ITPR1: variants seen among roughly 807,000 people sequenced by gnomAD.
ITPR1 encodes the protein inositol 1,4,5-trisphosphate-gated calcium channel ITPR1.
In ITPR1, 96 loss-of-function variants were observed where a neutral mutation model predicts 318.4. That is an observed-to-expected ratio of 0.30 (90% CI 0.26 to 0.36). ITPR1 has a LOEUF of 0.36. Among genes scored for constraint, ITPR1 ranks in the 10% least tolerant of loss-of-function variants. ITPR1 has a pLI of 1.00. For missense variants in ITPR1, 2,440 were observed against 3,460.2 expected (o/e 0.71, Z 7.40); for synonymous variants, 1,312 against 1,289.9 (o/e 1.02, Z -0.37).
intron 52 of ITPR1, among the ~76,000 whole-genome samples, chr3:4,789,202 G>A (rs992007576): frequency 3.3e-5 from 5 of 152,192 alleles, no homozygotes; most frequent in Admixed American, 6.5e-5. Flanking sequence ...GTCTGGCCAG[G>A]CCAAATCCAT....
intron 56 of ITPR1, among the ~76,000 whole-genome samples, chr3:4,812,749 C>CCAT (rs1375361381): frequency 6.6e-6 from 1 of 152,188 alleles, no homozygotes; most frequent in African/African-American, 2.4e-5. Context: ...TTACTGCCAG[C>CCAT]CATCTTAGAG....
chr3:4,690,234 C>T (rs2094459052), intron 31 of ITPR1, among the ~76,000 whole-genome samples: 1 of 152,160 alleles, frequency 6.6e-6, no homozygotes, highest in Admixed American at 6.5e-5. Context: ...AAGATTGCAC[C>T]ACTGCATTCC....
At chr3:4,723,163 C>A (rs1390868832) in intron 40 of ITPR1, among the ~76,000 whole-genome samples, 2 of 152,080 alleles carry the variant, frequency 1.3e-5, no homozygotes, top group African/African-American at 4.8e-5. Context: ...CAGACAGACA[C>A]ACAAAAAAAG....
At chr3:4,720,545 G>C (rs1379119874) in intron 40 of ITPR1, among the ~76,000 whole-genome samples, 1 of 152,232 alleles carries the variant, frequency 6.6e-6, no homozygotes, top group Non-Finnish European at 1.5e-5. Context: ...AGCAGGTACT[G>C]TGGTTCAGTG....
chr3:4,602,179 T>G (rs1451081999), intron 4 of ITPR1, among the ~76,000 whole-genome samples: 1 of 152,224 alleles, frequency 6.6e-6, no homozygotes, highest in Non-Finnish European at 1.5e-5. Context: ...GCAGTTTCAC[T>G]CCTTAGGGAT....
At chr3:4,721,166 G>A (rs1192124692) in intron 40 of ITPR1, among the ~76,000 whole-genome samples, 2 of 45,554 alleles carry the variant, frequency 4.4e-5, no homozygotes, top group Admixed American at 6.5e-4. Flanking sequence ...ATACGTGTGT[G>A]TGCGTGTATA....
At chr3:4,613,520 C>T (rs534515737) in intron 4 of ITPR1, among the ~76,000 whole-genome samples, 7 of 152,184 alleles carry the variant, frequency 4.6e-5, no homozygotes, top group Admixed American at 1.3e-4. Context: ...CCAGGGAATG[C>T]TCATTGCCTG....
At chr3:4,733,562 A>G (rs1443220994) in intron 43 of ITPR1, among the ~76,000 whole-genome samples, 3 of 152,140 alleles carry the variant, frequency 2.0e-5, no homozygotes, top group Admixed American at 6.5e-5. Context: ...AATAATGAGG[A>G]TATTGGCACC....
At chr3:4,681,305 C>A in intron 25 of ITPR1, 59 bp from the exon 26 acceptor site, 1 of 1,188,922 alleles carries the variant, frequency 8.4e-7, no homozygotes, top group South Asian at 1.2e-5. Flanking sequence ...TGGATGAGTT[C>A]ACCAGCAGCA....
rs370995278 is a variant in ITPR1, at chr3:4,697,155, T to G, written c.4290T>G (p.Ile1430Met). The change falls in exon 34 of 62, where the codon ATT becomes ATG. Residue 1430 changes from isoleucine (I) to methionine (M), a missense_variant. By Grantham distance (10) the Ile-to-Met change is conservative. Transcript: ENST00000649015. ...THEDCIPEVK[I>M]AYINFLNHCY... ...TTCTTTCTATCTTGCAGGTTAAAAT[T>G]GCATACATTAACTTCCTGAATCACT... The G allele has an allele frequency of 6.2e-6, 10 of 1,610,428 alleles. No individual in the cohort carries two copies. The highest frequency in any genetic ancestry group is 1.3e-5 in the African/African-American group (1 of 74,882).
Position 4,721,180 on chromosome 3 carries a change from A to G in ITPR1, c.5136+3781A>G, listed in dbSNP as rs1351542320. ...GATACGTGTGTGTGCGTGTATATAT[A>G]TATATATATATATATATATATATGC... On this transcript the variant is annotated intron_variant, in intron 40 of 61. Coordinates refer to ENST00000649015, the MANE Select transcript of ITPR1 (RefSeq NM_001378452.1). 0.022 allele frequency among the ~76,000 whole-genome samples: 271 copies of G among 12,100 alleles called. 6 individuals carry two copies. In the East Asian group the frequency reaches 0.4, roughly 18 times the overall value. The allele number at this position is 12,100 out of a possible 152,430, so 7.9% of individuals were successfully genotyped here.
chr3:4,704,108 G>C (rs1443326635), intron 36 of ITPR1, among the ~76,000 whole-genome samples: 1 of 152,144 alleles, frequency 6.6e-6, no homozygotes, highest in South Asian at 2.1e-4. Context: ...AGGGGGAAAA[G>C]CGTTGAAAAA....
chr3:4,721,848 C>T (rs1004673504), intron 40 of ITPR1, among the ~76,000 whole-genome samples: 2 of 152,130 alleles, frequency 1.3e-5, no homozygotes, highest in African/African-American at 4.8e-5. Context: ...ACACATGAAG[C>T]GGATGGATGG....
At chr3:4,607,269 T>G (rs2091766507) in intron 4 of ITPR1, among the ~76,000 whole-genome samples, 1 of 152,146 alleles carries the variant, frequency 6.6e-6, no homozygotes, top group Admixed American at 6.5e-5. Flanking sequence ...GATCTCTAGA[T>G]GATTTGACTG....
At chr3:4,657,752 A>C (rs188253416) in intron 12 of ITPR1, among the ~76,000 whole-genome samples, 29 of 152,162 alleles carry the variant, frequency 1.9e-4, no homozygotes, top group African/African-American at 6.5e-4. Flanking sequence ...GGTTTGAGCC[A>C]CTGCAGCCAG....
intron 4 of ITPR1, among the ~76,000 whole-genome samples, chr3:4,613,047 T>G (rs989351241): frequency 1.3e-5 from 2 of 152,228 alleles, no homozygotes; most frequent in Admixed American, 6.5e-5. Flanking sequence ...TCCTGAGACA[T>G]GGGCCCAAGG....
At chr3:4,809,672 T>C (rs1459251403) in intron 55 of ITPR1, among the ~76,000 whole-genome samples, 1 of 152,220 alleles carries the variant, frequency 6.6e-6, no homozygotes, top group Non-Finnish European at 1.5e-5. Context: ...TTTTCTTTTA[T>C]ATAAATAATA....
chr3:4,559,236 T>C (rs1342865991), intron 4 of ITPR1, among the ~76,000 whole-genome samples: 1 of 152,114 alleles, frequency 6.6e-6, no homozygotes, highest in Non-Finnish European at 1.5e-5. Context: ...ATGGGTGTTA[T>C]GTCTCTCTAG....
At chr3:4,631,292 A>G (rs1005889747) in intron 5 of ITPR1, among the ~76,000 whole-genome samples, 20 of 152,242 alleles carry the variant, frequency 1.3e-4, no homozygotes, top group Admixed American at 7.8e-4. Flanking sequence ...ATCACCAACC[A>G]TAGTGATACA....
Sources: gnomAD v4.1 joint callset for allele counts (sites outside exome capture counted in the v4.1 genomes callset) on GRCh38, gnomAD v4.1.1 for gene constraint, MANE v1.5 for transcripts, NCBI Gene and HGNC (gene_info 2026-07-23, HGNC 2026-07-21) for gene names.